The following CRACD variants were observed in gnomAD, a reference collection of about 807,000 sequenced individuals.
CRACD encodes capping protein inhibiting regulator of actin dynamics.
Under a neutral mutation model 106.8 loss-of-function variants are expected in CRACD, and 56 were observed. The observed-to-expected ratio is 0.52, with a 90% CI of 0.42 to 0.66. CRACD has a LOEUF of 0.66. Ranked by LOEUF, CRACD falls within the 30% of genes least tolerant of loss-of-function variation. The pLI, the probability that CRACD is intolerant of heterozygous loss-of-function variation, is 0.00. For synonymous variants in CRACD, 754 were observed against 670.8 expected (o/e 1.12, Z -1.92); for missense variants, 1,730 against 1,623.2 (o/e 1.07, Z -1.13).
In CRACD at chr4:56,315,958, C is replaced by T; in HGVS notation, c.2456C>T (p.Ser819Leu). The change falls in exon 8 of 11, where the codon TCG (serine) becomes TTG (leucine). Residue 819 changes from serine (S) to leucine (L), a missense_variant. Around this residue, in one of 5 missense-constraint regions of CRACD, gnomAD observed 1,620 missense variants for 1,481.6 expected, o/e 1.09. Coordinates refer to ENST00000682029, the MANE Select transcript of CRACD (RefSeq NM_001393381.1). This position sits in a 1 kb window ranked among gnomAD's most constrained non-coding sequence, Gnocchi z 4.1. ...GTGGCCCACACAGAGTTCACGACCT[C>T]GTCGGACAGCGAGACTGCAAACGGG... ...KVVAHTEFTT[S>L]SDSETANGIA... 6.2e-7 allele frequency: 1 copy of T among 1,614,204 alleles called. No homozygotes were observed. The highest frequency in any genetic ancestry group is 8.5e-7 in the Non-Finnish European group (1 of 1,180,038).
chr4:56,279,737 G>T (rs561773705), intron 3 of CRACD, among the ~76,000 whole-genome samples: 1 of 152,144 alleles, frequency 6.6e-6, no homozygotes, highest in African/African-American at 2.4e-5. Context: ...TCAGTGTGGC[G>T]ATTCCTCAGG....
intron 1 of CRACD, among the ~76,000 whole-genome samples, chr4:56,091,116 A>T (rs146053094): frequency 7.9e-5 from 12 of 152,016 alleles, no homozygotes; most frequent in African/African-American, 2.9e-4. Context: ...GCAGTATTGC[A>T]ATCCGGGCTC....
At chr4:56,065,571 C>T (rs1158039502) in intron 1 of CRACD, among the ~76,000 whole-genome samples, 1 of 152,140 alleles carries the variant, frequency 6.6e-6, no homozygotes, top group African/African-American at 2.4e-5. Context: ...CAGGGTATAC[C>T]ACTTCAACTT....
At chr4:56,277,831 T>C (rs1742766487) in intron 3 of CRACD, among the ~76,000 whole-genome samples, 1 of 152,198 alleles carries the variant, frequency 6.6e-6, no homozygotes, top group East Asian at 1.9e-4. Flanking sequence ...AGATTGGAGT[T>C]TTTGTATATC....
chr4:56,252,422 A>C (rs1413377480), intron 2 of CRACD, among the ~76,000 whole-genome samples: 1 of 152,206 alleles, frequency 6.6e-6, no homozygotes, highest in African/African-American at 2.4e-5. Flanking sequence ...TGAATTGTGA[A>C]AAGCAGCATA....
At chr4:56,141,442 T>C (rs948846858) in intron 1 of CRACD, among the ~76,000 whole-genome samples, 1 of 152,032 alleles carries the variant, frequency 6.6e-6, no homozygotes, top group Non-Finnish European at 1.5e-5. Context: ...TTAAAGATTA[T>C]CTTTCTTGGC....
chr4:56,286,266 G>A (rs145655614), intron 3 of CRACD, among the ~76,000 whole-genome samples: 20 of 151,908 alleles, frequency 1.3e-4, no homozygotes, highest in African/African-American at 3.4e-4. Flanking sequence ...GGTGGCACGC[G>A]CCTGTAATCC....
At chr4:56,175,894 G>A (rs557049594) in intron 1 of CRACD, among the ~76,000 whole-genome samples, 1 of 152,178 alleles carries the variant, frequency 6.6e-6, no homozygotes, top group African/African-American at 2.4e-5. Flanking sequence ...GTGTTTTCTT[G>A]TAGTAGTTTC....
In CRACD at chr4:56,316,679, C is replaced by T. The variant is rs757702918; in HGVS notation, c.3177C>T (p.Ala1059=). The change falls in exon 8 of 11, where the codon GCC becomes GCT. Residue 1059 remains alanine, a synonymous_variant. Coordinates refer to ENST00000682029, the MANE Select transcript of CRACD (RefSeq NM_001393381.1). ...QQEKPSQTPE[A]GRKEKPMLQS... is the part of the protein sequence containing the mutation. ...AGAAACCTTCTCAAACACCCGAGGC[C>T]GGGAGGAAAGGTAGGTAGCTGCAGG... The T allele has an allele frequency of 1.3e-5, 21 of 1,607,214 alleles. No individual in the cohort carries two copies. The highest frequency in any genetic ancestry group is 6.7e-5 in the African/African-American group (5 of 74,768).
chr4:56,277,271 T>C (rs150532650), intron 3 of CRACD, among the ~76,000 whole-genome samples: 1 of 152,214 alleles, frequency 6.6e-6, no homozygotes, highest in Non-Finnish European at 1.5e-5. Flanking sequence ...TCCAACAACA[T>C]GTAAGAAGGC....
chr4:56,221,464 T>C lies in CRACD; in HGVS notation c.-189+42034T>C, dbSNP rs149728110. Among the ~76,000 whole-genome samples, 834 of 152,192 alleles carry C rather than the reference T, an allele frequency of 5.5e-3. 12 individuals are homozygous for C. Among genetic ancestry groups the C allele is most frequent in the Non-Finnish European group, 5.1e-3 (346 of 67,990 alleles). ...GGTAGGAAGAAGAATTTATTACTAA[T>C]ACTCCAAAAGCAAATGCAGCAAAAA... On this transcript the variant is annotated intron_variant, in intron 2 of 10. Coordinates refer to ENST00000682029, the MANE Select transcript of CRACD (RefSeq NM_001393381.1).
At chr4:56,117,904 G>A (rs747711137) in intron 1 of CRACD, among the ~76,000 whole-genome samples, 49 of 151,766 alleles carry the variant, frequency 3.2e-4, no homozygotes, top group South Asian at 2.1e-4. Flanking sequence ...GATTACAGGC[G>A]CCTGCCACCA....
At chr4:56,117,656 C>A (rs1677947131) in intron 1 of CRACD, among the ~76,000 whole-genome samples, 1 of 151,976 alleles carries the variant, frequency 6.6e-6, no homozygotes, top group Admixed American at 6.5e-5. Context: ...TGAACTGTAC[C>A]CTTGAAAATG....
intron 2 of CRACD, among the ~76,000 whole-genome samples, chr4:56,252,651 C>A (rs1741120688): frequency 6.6e-6 from 1 of 152,190 alleles, no homozygotes; most frequent in African/African-American, 2.4e-5. Flanking sequence ...CTGAGTTTAG[C>A]ATGCAGGATA....
chr4:56,226,286 A>T (rs973211223), intron 2 of CRACD, among the ~76,000 whole-genome samples: 1 of 152,148 alleles, frequency 6.6e-6, no homozygotes, highest in African/African-American at 2.4e-5. Flanking sequence ...AGATGGGCAC[A>T]TTGTTTGGGA....
intron 2 of CRACD, among the ~76,000 whole-genome samples, chr4:56,208,753 G>A (rs73160410): frequency 0.022 from 3,277 of 152,278 alleles, 95 homozygotes; most frequent in African/African-American, 0.063. Context: ...TAATTTTGAA[G>A]TGGAAATTTG....
At chr4:56,309,123 TGGTGGAGAGGTCTCTTATTTG>T in intron 5 of CRACD, 1 of 408,604 alleles carries the variant, frequency 2.4e-6, no homozygotes, top group South Asian at 1.8e-5. Context: ...AGTAACTTGG[TGGTGGAGAGGTCTCTTATTTG>T]GGTGAGGAGT....
At chr4:56,098,785 G>A (rs1293054760) in intron 1 of CRACD, among the ~76,000 whole-genome samples, 6 of 152,066 alleles carry the variant, frequency 3.9e-5, no homozygotes, top group African/African-American at 1.2e-4. Context: ...TCTGCCTCCC[G>A]GGTTCAAGCA....
intron 2 of CRACD, among the ~76,000 whole-genome samples, chr4:56,245,507 T>A (rs1435801955): frequency 6.6e-6 from 1 of 152,240 alleles, no homozygotes; most frequent in Non-Finnish European, 1.5e-5. Flanking sequence ...TTCAGTTGTG[T>A]TTTGGTCATC....
Sources: gnomAD v4.1 joint callset for allele counts (sites outside exome capture counted in the v4.1 genomes callset) on GRCh38, gnomAD v4.1.1 for gene constraint, gnomAD v4.1.1 regional missense constraint, Gnocchi (gnomAD v3.1) non-coding constraint, MANE v1.5 for transcripts, NCBI Gene and HGNC (gene_info 2026-07-23, HGNC 2026-07-21) for gene names.